The following PHKB variants were observed in gnomAD, a reference collection of about 807,000 sequenced individuals.
PHKB encodes the protein phosphorylase b kinase regulatory subunit beta.
In PHKB, 122 loss-of-function variants were observed where a neutral mutation model predicts 152.1. That is an observed-to-expected ratio of 0.80 (90% CI 0.69 to 0.93). The LOEUF is 0.93. PHKB is among the 40% of genes least tolerant of loss of function. The pLI is 0.00. For synonymous variants in PHKB, 436 were observed against 464.9 expected (o/e 0.94, Z 0.80); for missense variants, 1,304 against 1,328.4 (o/e 0.98, Z 0.29).
At chr16:47,668,829 C>T (rs1295381795) in intron 25 of PHKB, among the ~76,000 whole-genome samples, 1 of 152,220 alleles carries the variant, frequency 6.6e-6, no homozygotes, top group Non-Finnish European at 1.5e-5. Flanking sequence ...GTTTATCTCT[C>T]AAATACCAAA....
chr16:47,599,083 A>G (rs919868161), intron 13 of PHKB: 8 of 577,372 alleles, frequency 1.4e-5, no homozygotes, highest in Non-Finnish European at 2.4e-5. Context: ...CTCTGGTTAG[A>G]ATGTTATTTC....
At chr16:47,650,946 A>T in intron 20 of PHKB, 25 bp downstream of exon 20, 2 of 1,454,674 alleles carry the variant, frequency 1.4e-6, no homozygotes, top group Non-Finnish European at 9.7e-7. Flanking sequence ...TTCAGTATGC[A>T]TCTATTTTCA....
chr16:47,535,862 C>T, intron 6 of PHKB, among the ~76,000 whole-genome samples: 1 of 152,144 alleles, frequency 6.6e-6, no homozygotes, highest in Non-Finnish European at 1.5e-5. Context: ...TAGCTCTTTC[C>T]AATTAGAAAT....
chr16:47,468,654 A>T (rs1290473746), intron 1 of PHKB, among the ~76,000 whole-genome samples: 1 of 152,224 alleles, frequency 6.6e-6, no homozygotes, highest in Non-Finnish European at 1.5e-5. Context: ...ACTGTGTCTC[A>T]CAAAATAAAA....
At chr16:47,653,270 T>C (rs1235742144) in intron 20 of PHKB, among the ~76,000 whole-genome samples, 1 of 152,204 alleles carries the variant, frequency 6.6e-6, no homozygotes, top group Non-Finnish European at 1.5e-5. Context: ...CCAAATCCAC[T>C]GTTTAATCCT....
At position 47,598,543 on chromosome 16, in the gene PHKB, CTA is replaced by C. The variant is rs2151702867; in HGVS notation, c.1363+2016_1363+2017del. On this transcript the variant is annotated intron_variant, in intron 13 of 30. Transcript: ENST00000323584. ...ATTTTAACACTCTCCTACATATTTT[CTA>C]TATCACTTTTCTTGATTATAAAATG... The C allele has an allele frequency of 6.0e-6, 4 of 662,422 alleles. No homozygotes were observed. The Admixed American group carries it at 1.2e-4, about 19-fold the overall frequency. The allele number at this position is 662,422 out of a possible 1,614,324, so 41.0% of individuals were successfully genotyped here.
At chr16:47,683,487 C>G (rs1274977296) in intron 26 of PHKB, among the ~76,000 whole-genome samples, 1 of 152,226 alleles carries the variant, frequency 6.6e-6, no homozygotes, top group African/African-American at 2.4e-5. Context: ...CCCACCCTCG[C>G]TGCCGCCTTG....
intron 26 of PHKB, among the ~76,000 whole-genome samples, chr16:47,681,564 T>A (rs535363903): frequency 1.3e-5 from 2 of 152,108 alleles, no homozygotes; most frequent in Non-Finnish European, 2.9e-5. Flanking sequence ...TGGTTTAAAG[T>A]CTGTTTTATC....
chr16:47,464,666 T>C (rs1969636289), intron 1 of PHKB, among the ~76,000 whole-genome samples: 1 of 152,218 alleles, frequency 6.6e-6, no homozygotes, highest in African/African-American at 2.4e-5. Context: ...GCATTCCCAT[T>C]AGCAACCAGG....
At chr16:47,524,949 A>T (rs967111419) in intron 6 of PHKB, among the ~76,000 whole-genome samples, 1 of 152,190 alleles carries the variant, frequency 6.6e-6, no homozygotes, top group Non-Finnish European at 1.5e-5. Context: ...AAATTTTTTT[A>T]AAAATTCTTT....
chr16:47,693,561 A>C, intron 28 of PHKB, 54 bp downstream of exon 28: 1 of 1,589,546 alleles, frequency 6.3e-7, no homozygotes, highest in Non-Finnish European at 8.6e-7. Context: ...AGGGTAGTGA[A>C]TCCTTTCCTC....
At chr16:47,646,451 A>G (rs1218278064) in intron 16 of PHKB, among the ~76,000 whole-genome samples, 1 of 129,172 alleles carries the variant, frequency 7.7e-6, no homozygotes, top group Non-Finnish European at 1.6e-5. Context: ...TAGTGGGTGC[A>G]GCGCACCAGC....
intron 13 of PHKB, among the ~76,000 whole-genome samples, chr16:47,605,332 A>T (rs1318690705): frequency 6.6e-6 from 1 of 152,224 alleles, no homozygotes; most frequent in East Asian, 1.9e-4. Flanking sequence ...AGTGTGGCAC[A>T]AAGAGAAACA....
At chr16:47,552,779 T>C (rs944776692) in intron 7 of PHKB, among the ~76,000 whole-genome samples, 7 of 151,146 alleles carry the variant, frequency 4.6e-5, no homozygotes, top group Non-Finnish European at 1.0e-4. Context: ...ATTGTGTCAC[T>C]GTGACAAAGA....
chr16:47,580,295 C>T lies in PHKB; in HGVS notation c.711C>T (p.Ser237=). The change falls in exon 8 of 31, where the codon AGC becomes AGT. Residue 237 remains serine (S), a splice_region_variant and synonymous_variant. Coordinates refer to ENST00000323584, the MANE Select transcript of PHKB (RefSeq NM_000293.3). ...YNNGSTELHS[S]SVGLAKAALE... ...TAAAGCATTTCCTTTTCTCTTTTAG[C>T]TCGGTTGGTTTAGCAAAAGCAGCTC... The T allele has an allele frequency of 6.2e-7, 1 of 1,611,310 alleles. No individual in the cohort carries two copies. The highest frequency in any genetic ancestry group is 8.5e-7 in the Non-Finnish European group (1 of 1,177,782).
At chr16:47,653,595 A>C (rs1973278358) in intron 20 of PHKB, among the ~76,000 whole-genome samples, 1 of 152,182 alleles carries the variant, frequency 6.6e-6, no homozygotes, top group Non-Finnish European at 1.5e-5. Context: ...ACAGGAGTTA[A>C]AGATATGTCT....
chr16:47,663,770 T>G, intron 24 of PHKB, 36 bp downstream of exon 24: 1 of 1,213,150 alleles, frequency 8.2e-7, no homozygotes, highest in East Asian at 2.3e-5. Context: ...TGTTTTATTT[T>G]TGTGTTGTTA....
intron 14 of PHKB, among the ~76,000 whole-genome samples, chr16:47,611,197 C>T (rs1302059383): frequency 6.6e-6 from 1 of 152,160 alleles, no homozygotes; most frequent in Non-Finnish European, 1.5e-5. Flanking sequence ...AGCAGTGCAT[C>T]TGGGTGGCAG....
intron 10 of PHKB, among the ~76,000 whole-genome samples, chr16:47,589,815 T>C (rs1318625271): frequency 1.3e-5 from 2 of 152,220 alleles, no homozygotes; most frequent in Admixed American, 6.5e-5. Flanking sequence ...GATGGAGTCT[T>C]GCTCTGTTGC....
Sources: gnomAD v4.1 joint callset for allele counts (sites outside exome capture counted in the v4.1 genomes callset) on GRCh38, gnomAD v4.1.1 for gene constraint, MANE v1.5 for transcripts, NCBI Gene and HGNC (gene_info 2026-07-23, HGNC 2026-07-21) for gene names.